TRIP11: variants seen among roughly 807,000 people sequenced by gnomAD.
TRIP11 encodes the protein thyroid hormone receptor interactor 11.
Under a neutral mutation model 223.1 loss-of-function variants are expected in TRIP11, and 148 were observed. The observed-to-expected ratio is 0.66, with a 90% CI of 0.58 to 0.76. The LOEUF is 0.76. TRIP11 is among the 30% of genes least tolerant of loss of function. The pLI is 0.00. For missense variants in TRIP11, 2,043 were observed against 2,222.0 expected (o/e 0.92, Z 1.62); for synonymous variants, 762 against 772.6 (o/e 0.99, Z 0.23).
intron 15 of TRIP11, among the ~76,000 whole-genome samples, chr14:91,991,659 C>A (rs2056674000): frequency 6.6e-6 from 1 of 152,066 alleles, no homozygotes; most frequent in South Asian, 2.1e-4. Context: ...CTGAAATACC[C>A]TTTATTAATA....
chr14:92,014,168 C>T (rs142712654), intron 7 of TRIP11, 47 bp downstream of exon 7: 2 of 1,612,096 alleles, frequency 1.2e-6, no homozygotes, highest in African/African-American at 1.3e-5. Context: ...AAAACAACTA[C>T]TATGCAATGA....
Position 92,033,276 on chromosome 14 carries a change from T to C in TRIP11, c.140-23A>G, listed in dbSNP as rs1334001011. 5.7e-6 allele frequency: 9 copies of C among 1,575,388 alleles called. No individual in the cohort carries two copies. In the Middle Eastern group the frequency reaches 1.3e-3, roughly 234 times the overall value. On this transcript the variant is annotated intron_variant, in intron 1 of 20. Coordinates refer to ENST00000267622, the MANE Select transcript of TRIP11 (RefSeq NM_004239.4). Reference sequence around the variant, plus strand: ...CTGCTACAAGAGAAATAACAAATATTGAATATTTAATCAATACCATATGAA... The same window carrying C: ...CTGCTACAAGAGAAATAACAAATATCGAATATTTAATCAATACCATATGAA...
At position 92,033,196 on chromosome 14, in the gene TRIP11, G is replaced by A. The variant is rs2057288015; in HGVS notation, c.197C>T (p.Ser66Leu). 1 of 1,612,672 alleles carries A rather than the reference G, an allele frequency of 6.2e-7. No homozygotes were observed. Among genetic ancestry groups the A allele is most frequent in the Non-Finnish European group, 8.5e-7 (1 of 1,179,112 alleles). The change falls in exon 2 of 21, where the codon TCA (serine) becomes TTA (leucine). Residue 66 changes from serine (S) to leucine (L), a missense_variant. Coordinates refer to ENST00000267622, the MANE Select transcript of TRIP11 (RefSeq NM_004239.4). ...GTAGTCTTTGATTTTTCTTACCTCTGATCTCAAGATTGCATGAATGGCTTC... is the reference window on the plus strand; with the variant it reads ...GTAGTCTTTGATTTTTCTTACCTCTAATCTCAAGATTGCATGAATGGCTTC... Reference protein sequence around the residue: ...EIEAIHAILRSENERLKKLCT... With the variant: ...EIEAIHAILRLENERLKKLCT...
chr14:92,017,238 T>A (rs932330200), intron 5 of TRIP11, among the ~76,000 whole-genome samples: 4 of 151,610 alleles, frequency 2.6e-5, no homozygotes, highest in Non-Finnish European at 1.5e-5. Flanking sequence ...TAAAGAATAT[T>A]AAAAAAAAAT....
intron 16 of TRIP11, among the ~76,000 whole-genome samples, chr14:91,980,126 C>T (rs1176000407): frequency 6.6e-6 from 1 of 152,168 alleles, no homozygotes; most frequent in African/African-American, 2.4e-5. Context: ...AACACCTAGA[C>T]ATGGTGCCAT....
In TRIP11 at chr14:91,972,739, T is replaced by G. The variant is rs888331625; in HGVS notation, c.5697A>C (p.Thr1899=). The G allele has an allele frequency of 6.2e-7, 1 of 1,611,306 alleles. No individual in the cohort carries two copies. ...LDSPGRRKRD[T]NAPESFKDTA... The stretch of plus-strand genomic sequence containing the variant: ...TACCTTTAAAACTTTCTGGTGCATT[T>G]GTATCTCTTTTTCTTCTTCCTGGTG... The change falls in exon 20 of 21, where the codon ACA becomes ACC. Residue 1899 remains threonine, a synonymous_variant. Transcript: ENST00000267622.
intron 2 of TRIP11, among the ~76,000 whole-genome samples, chr14:92,032,209 G>A (rs1046417684): frequency 1.3e-5 from 2 of 151,998 alleles, no homozygotes; most frequent in Admixed American, 6.6e-5. Context: ...ATGCAATGGC[G>A]TGATCTCGGC....
In TRIP11 at chr14:92,006,316, T is replaced by C; in HGVS notation, c.1660A>G (p.Thr554Ala). The C allele has an allele frequency of 6.2e-7, 1 of 1,610,892 alleles. No homozygotes were observed. The highest frequency in any genetic ancestry group is 8.5e-7 in the Non-Finnish European group (1 of 1,178,814). Residue 554 changes from threonine (T) to alanine (A), a missense_variant, in exon 11 of 21, where the codon ACT becomes GCT. Physicochemically the swap from Thr to Ala is moderately conservative, Grantham distance 58 (BLOSUM62 0). Coordinates refer to ENST00000267622, the MANE Select transcript of TRIP11 (RefSeq NM_004239.4). Reference protein sequence around the residue: ...HQLEDDKMDITKELDVQKEKL... With the variant: ...HQLEDDKMDIAKELDVQKEKL... ...TCTTTCTGTACATCTAACTCTTTAGTAATGTCCATTTTATCATCTTCAAGT... is the reference window on the plus strand; with the variant it reads ...TCTTTCTGTACATCTAACTCTTTAGCAATGTCCATTTTATCATCTTCAAGT...
chr14:91,974,616 T>C lies in TRIP11; in HGVS notation c.5574+11A>G. On this transcript the variant is annotated intron_variant, in intron 19 of 20. Coordinates refer to ENST00000267622, the MANE Select transcript of TRIP11 (RefSeq NM_004239.4). ...CTATTCACCTTAAGCAAGAATAAAA[T>C]TGTTTCTTACACTATTAACCACAGA... The C allele has an allele frequency of 6.3e-7, 1 of 1,589,798 alleles. No individual in the cohort carries two copies. Among genetic ancestry groups the C allele is most frequent in the African/African-American group, 1.3e-5 (1 of 74,560 alleles).
chr14:92,001,841 C>G (rs1484938475), intron 11 of TRIP11, among the ~76,000 whole-genome samples: 1 of 152,168 alleles, frequency 6.6e-6, no homozygotes. Flanking sequence ...CTCTTCACAT[C>G]AATTATAGAC....
Position 92,004,014 on chromosome 14 carries a change from A to T in TRIP11, c.3962T>A (p.Leu1321Ter), listed in dbSNP as rs745372938. Reference sequence around the variant, plus strand: ...ACACTCTGCAGACTGGGGAGTAAGCAATGATGCAGAAGACAGCTGGGGTGA... The same window carrying T: ...ACACTCTGCAGACTGGGGAGTAAGCTATGATGCAGAAGACAGCTGGGGTGA... ...IISPQLSSAS[L>*]LTPQSAECLR... Residue 1321 changes from leucine to a stop codon, truncating the protein, a stop_gained, in exon 11 of 21, where the codon TTG (leucine) becomes TAG (stop). Coordinates refer to ENST00000267622, the MANE Select transcript of TRIP11 (RefSeq NM_004239.4). LOFTEE classifies it high-confidence loss of function. The T allele has an allele frequency of 5.1e-5, 83 of 1,614,104 alleles. No homozygotes were observed. Among genetic ancestry groups the T allele is most frequent in the Non-Finnish European group, 7.6e-6 (9 of 1,180,046 alleles).
rs758567464 is a variant in TRIP11 at position 92,003,654 on chromosome 14, C to A, written c.4322G>T (p.Arg1441Met). The change falls in exon 11 of 21, where the codon AGG (arginine) becomes ATG (methionine). Residue 1441 changes from arginine (R) to methionine (M), a missense_variant. Physicochemically the swap from Arg to Met is moderately conservative, Grantham distance 91. Coordinates refer to ENST00000267622, the MANE Select transcript of TRIP11 (RefSeq NM_004239.4). ...TNKVNENELLRQAVTNLKERI... is the reference protein window; with the variant it reads ...TNKVNENELLMQAVTNLKERI... ...CTCCTTCAGGTTTGTTACTGCCTGC[C>A]TCAAAAGTTCGTTTTCATTTACTTT... The A allele has an allele frequency of 5.6e-6, 9 of 1,614,116 alleles. No individual in the cohort carries two copies. The East Asian group carries it at 1.3e-4, about 24-fold the overall frequency.
chr14:91,972,598 G>T (rs1302708814), intron 20 of TRIP11, 119 bp downstream of exon 20: 1 of 1,021,590 alleles, frequency 9.8e-7, no homozygotes, highest in East Asian at 2.6e-5. Flanking sequence ...TGGAATTCTG[G>T]AAGTCCTGAT....
rs1177847656 is a variant in TRIP11, at chr14:91,999,158, G to A, written c.4892+82C>T. 7 of 1,442,526 alleles carry A rather than the reference G, an allele frequency of 4.9e-6. No individual in the cohort carries two copies. In the African/African-American group the frequency reaches 5.6e-5, roughly 12 times the overall value. 89.4% of individuals were successfully genotyped at this position (1,442,526 alleles called of 1,614,324 possible). A position where few individuals can be genotyped will look rare whatever the true frequency, so the allele number is the denominator to read the frequency against. On this transcript the variant is annotated intron_variant, in intron 13 of 20. Coordinates refer to ENST00000267622, the MANE Select transcript of TRIP11 (RefSeq NM_004239.4). The stretch of plus-strand genomic sequence containing the variant: ...CAGATAATGAATTTTGCAAGGATGA[G>A]CTAACATACAAAAAATACTTACTGA...
At chr14:91,979,627 G>A (rs1171794769) in intron 16 of TRIP11, among the ~76,000 whole-genome samples, 1 of 152,080 alleles carries the variant, frequency 6.6e-6, no homozygotes, top group Non-Finnish European at 1.5e-5. Flanking sequence ...GCAAACTCAA[G>A]CAGTAGTTAG....
chr14:92,008,398 C>T (rs1276754369), intron 9 of TRIP11, among the ~76,000 whole-genome samples: 1 of 152,200 alleles, frequency 6.6e-6, no homozygotes, highest in Admixed American at 6.5e-5. Context: ...TCCCTTATTA[C>T]TTTTGCTTCT....
Position 92,017,502 on chromosome 14 carries a change from T to C in TRIP11, c.657+180A>G, listed in dbSNP as rs559181677. Among the ~76,000 whole-genome samples, 175 of 152,292 alleles carry C rather than the reference T, an allele frequency of 1.1e-3. 1 individual carries two copies. Among genetic ancestry groups the C allele is most frequent in the African/African-American group, 4.0e-3 (168 of 41,570 alleles). On this transcript the variant is annotated intron_variant, in intron 5 of 20. Coordinates refer to ENST00000267622, the MANE Select transcript of TRIP11 (RefSeq NM_004239.4). ...GTATGAGGCTGCAGTGACCTGATCA[T>C]GCCACTGCACTCCAGCCAGGGCAAC...
rs138279008 is a variant in TRIP11 at position 92,025,515 on chromosome 14, C to CA, written c.202-96_202-95insT. 8,192 of 812,882 alleles carry CA rather than the reference C, an allele frequency of 0.01. 297 individuals carry two copies. The highest frequency in any genetic ancestry group is 0.073 in the African/African-American group (4,200 of 57,162). 50.4% of individuals were successfully genotyped at this position (812,882 alleles called of 1,614,324 possible). On this transcript the variant is annotated intron_variant, in intron 2 of 20. Transcript: ENST00000267622. ...TATGAAAAACGTACTGCTTTCCCCC[C>CA]CCAAAAATGTCAAATATAAAAGGTC...
rs142893062 is a variant in TRIP11 at position 91,997,422 on chromosome 14, G to A, written c.4892+1818C>T. Among the ~76,000 whole-genome samples, 353 of 152,128 alleles carry A rather than the reference G, an allele frequency of 2.3e-3. 1 individual carries two copies. Among genetic ancestry groups the A allele is most frequent in the African/African-American group, 8.0e-3 (331 of 41,500 alleles). ...GTATAGGACACGTCGACAATTACCT[G>A]TACCCTAAATTAAAATATAAGTGCC... On this transcript the variant is annotated intron_variant, in intron 13 of 20. Transcript: ENST00000267622.
Sources: allele counts gnomAD v4.1 joint callset (sites outside exome capture counted in the v4.1 genomes callset), GRCh38; gene constraint gnomAD v4.1.1; transcripts MANE v1.5; gene names NCBI Gene and HGNC (gene_info 2026-07-23, HGNC 2026-07-21).